The following P3H1 variants were observed in gnomAD, a reference collection of about 807,000 sequenced individuals.
P3H1 encodes prolyl 3-hydroxylase 1, also known as growth suppressor 1.
P3H1 carries 69 observed loss-of-function variants against 84.0 expected under a neutral mutation model. The ratio of observed to expected loss-of-function variants is 0.82; its 90% CI spans 0.68 to 1.00. P3H1 has a LOEUF of 1.00. Ranked by LOEUF, P3H1 falls within the 50% of genes least tolerant of loss-of-function variation. The pLI is 0.00. For missense variants in P3H1, 878 were observed against 962.8 expected (o/e 0.91, Z 1.17); for synonymous variants, 366 against 388.8 (o/e 0.94, Z 0.69).
chr1:42,758,485 G>A (rs1652523431), intron 4 of P3H1, among the ~76,000 whole-genome samples: 1 of 152,194 alleles, frequency 6.6e-6, no homozygotes, highest in Non-Finnish European at 1.5e-5. Flanking sequence ...TTAATTGGCA[G>A]CCCCACAAAA....
Position 42,759,234 on chromosome 1 carries a change from C to G in P3H1, c.775G>C (p.Glu259Gln). 1 of 1,614,174 alleles carries G rather than the reference C, an allele frequency of 6.2e-7. No individual in the cohort carries two copies. ...GCCTGGAAGAGGTCAGCGTTGTACT[C>G]AAGGTAGTTGTAGCCATCGTAGTCA... Reference protein sequence around the residue: ...PYDYDGYNYLEYNADLFQAIT... With the variant: ...PYDYDGYNYLQYNADLFQAIT... The change falls in exon 3 of 15, where the codon GAG becomes CAG. Residue 259 changes from glutamate (E) to glutamine (Q), a missense_variant. Transcript: ENST00000296388.
intron 11 of P3H1, among the ~76,000 whole-genome samples, chr1:42,749,709 G>A (rs559598666): frequency 2.0e-5 from 3 of 152,244 alleles, no homozygotes; most frequent in South Asian, 2.1e-4. Flanking sequence ...CTCCGTAATC[G>A]TATTCATCCT....
intron 7 of P3H1, 85 bp downstream of exon 7, chr1:42,755,080 C>T (rs1267306716): frequency 1.2e-6 from 2 of 1,613,316 alleles, no homozygotes; most frequent in Non-Finnish European, 1.7e-6. Flanking sequence ...CACCCCTTGC[C>T]AGGAGTTCAC....
chr1:42,761,358 CACAG>C (rs1159696394), intron 2 of P3H1: 2 of 152,164 alleles, frequency 1.3e-5, no homozygotes, highest in Non-Finnish European at 2.9e-5. Flanking sequence ...GCTATATCAT[CACAG>C]ACAGTCCCTC....
intron 5 of P3H1, 148 bp from the exon 6 acceptor site, chr1:42,755,785 T>G: frequency 4.3e-6 from 3 of 693,622 alleles, no homozygotes; most frequent in Non-Finnish European, 7.8e-6. Flanking sequence ...TTCCCCAGTT[T>G]GAGACAAAAG....
chr1:42,757,704 C>T (rs1652476628), intron 5 of P3H1, 79 bp downstream of exon 5: 10 of 1,607,438 alleles, frequency 6.2e-6, no homozygotes, highest in Non-Finnish European at 8.5e-6. Flanking sequence ...ACAGCGCCTA[C>T]TCCCCTCTGC....
Position 42,762,372 on chromosome 1 carries a change from G to A in P3H1, c.569C>T (p.Ser190Phe). 1.2e-6 allele frequency: 2 copies of A among 1,614,138 alleles called. No individual in the cohort carries two copies. The highest frequency in any genetic ancestry group is 1.7e-6 in the Non-Finnish European group (2 of 1,179,990). The part of the protein sequence containing the change: ...QQNLDYYQTM[S>F]GVKEADFKDL... ...CTTGAAGTCGGCCTCCTTCACTCCA[G>A]ACATGGTTTGGTAATAGTCTAGGTT... is the stretch of plus-strand genomic sequence containing the variant. The change falls in exon 2 of 15, where the codon TCT becomes TTT. Residue 190 changes from serine (S) to phenylalanine (F), a missense_variant. Coordinates refer to ENST00000296388, the MANE Select transcript of P3H1 (RefSeq NM_022356.4).
In P3H1 at chr1:42,747,382, C is replaced by T. The variant is rs775492271; in HGVS notation, c.1945G>A (p.Val649Met). 56 of 1,610,946 alleles carry T rather than the reference C, an allele frequency of 3.5e-5. No homozygotes were observed. The highest frequency in any genetic ancestry group is 1.6e-4 in the East Asian group (7 of 44,830). ...TTTTCAGTGCCTGAAGAGAATCCCA[C>T]GGCTCTTCCACACTGAGGCTGCACC... ...AEVQPQCGRAVGFSSGTENPH... is the reference protein window; with the variant it reads ...AEVQPQCGRAMGFSSGTENPH... The change falls in exon 14 of 15, where the codon GTG (valine) becomes ATG (methionine). Residue 649 changes from valine (V) to methionine (M), a missense_variant. Transcript: ENST00000296388.
At chr1:42,755,696 G>T in intron 5 of P3H1, 59 bp from the exon 6 acceptor site, 3 of 1,358,762 alleles carry the variant, frequency 2.2e-6, no homozygotes, top group Non-Finnish European at 3.2e-6. Flanking sequence ...TAACCTCTGG[G>T]AGTTCCCCTC....
chr1:42,752,430 G>A, intron 9 of P3H1, 61 bp from the exon 10 acceptor site: 2 of 1,607,570 alleles, frequency 1.2e-6, no homozygotes, highest in Non-Finnish European at 1.7e-6. Flanking sequence ...GAGAAGAGGT[G>A]GTCAACTGTG....
chr1:42,759,016 A>C (rs769707082), intron 3 of P3H1, 33 bp from the exon 4 acceptor site: 1 of 1,613,748 alleles, frequency 6.2e-7, no homozygotes, highest in Non-Finnish European at 8.5e-7. Context: ...AATAACTATG[A>C]GGTCACTCTT....
In P3H1 at chr1:42,758,985, T is replaced by C. The variant is rs780126990; in HGVS notation, c.809-2A>G. On this transcript the variant is annotated splice_acceptor_variant, in intron 3 of 14. Transcript: ENST00000296388. LOFTEE classifies it high-confidence loss of function. The stretch of plus-strand genomic sequence containing the variant: ...AGTTGAGGACCTGGATGTAATGATC[T>C]GAAAGGAATCAAACAGAAGGAATAA... 3 of 1,614,164 alleles carry C rather than the reference T, an allele frequency of 1.9e-6. No individual in the cohort carries two copies. The highest frequency in any genetic ancestry group is 2.5e-6 in the Non-Finnish European group (3 of 1,180,014).
Position 42,747,427 on chromosome 1 carries a change from A to G in P3H1, c.1915-15T>C. The G allele has an allele frequency of 6.2e-7, 1 of 1,606,710 alleles. No individual in the cohort carries two copies. The highest frequency in any genetic ancestry group is 1.3e-5 in the African/African-American group (1 of 74,880). ...TGCACCTCTGCCTAAGGGGGACAGA[A>G]AGGGAGGGGGGTTGCACAGGACAAA... is the stretch of plus-strand genomic sequence containing the variant. On this transcript the variant is annotated splice_polypyrimidine_tract_variant and intron_variant, in intron 13 of 14. Coordinates refer to ENST00000296388, the MANE Select transcript of P3H1 (RefSeq NM_022356.4).
In P3H1 at chr1:42,757,703, A is replaced by G. The variant is rs189529595; in HGVS notation, c.1080+80T>C. 1.4e-4 allele frequency: 222 copies of G among 1,605,328 alleles called. 2 individuals are homozygous for G. In the African/African-American group the frequency reaches 2.8e-3, roughly 20 times the overall value. On this transcript the variant is annotated intron_variant, in intron 5 of 14. Coordinates refer to ENST00000296388, the MANE Select transcript of P3H1 (RefSeq NM_022356.4). Reference sequence around the variant, plus strand: ...CCCCTGCCCTGCACGCACAGCGCCTACTCCCCTCTGCTACCCCACTCTTCC... The same window carrying G: ...CCCCTGCCCTGCACGCACAGCGCCTGCTCCCCTCTGCTACCCCACTCTTCC...
At chr1:42,763,224 A>T (rs865785521) in intron 1 of P3H1, among the ~76,000 whole-genome samples, 24 of 151,756 alleles carry the variant, frequency 1.6e-4, no homozygotes, top group African/African-American at 3.4e-4. Flanking sequence ...CTAGAAAAAA[A>T]TTTTTTTTTG....
chr1:42,765,960 C>T (rs1652963787), intron 1 of P3H1, among the ~76,000 whole-genome samples: 1 of 151,084 alleles, frequency 6.6e-6, no homozygotes. Context: ...TCTGGCATTC[C>T]GAAAAATACT....
At chr1:42,766,459 C>A in intron 1 of P3H1, 48 bp downstream of exon 1, 1 of 1,504,518 alleles carries the variant, frequency 6.6e-7, no homozygotes, top group South Asian at 1.2e-5. Context: ...CTGCAACACT[C>A]CTCTCCCCAG....
intron 8 of P3H1, among the ~76,000 whole-genome samples, chr1:42,753,566 A>G (rs1371349819): frequency 1.3e-5 from 2 of 152,198 alleles, no homozygotes; most frequent in African/African-American, 4.8e-5. Context: ...AGCATAAGAC[A>G]GACCATAAAT....
intron 12 of P3H1, 84 bp from the exon 13 acceptor site, chr1:42,747,882 C>T (rs2124080512): frequency 1.5e-6 from 2 of 1,324,882 alleles, no homozygotes; most frequent in East Asian, 4.6e-5. Flanking sequence ...TCTCAACCAG[C>T]AGCAGGAGGG....
Sources: allele counts gnomAD v4.1 joint callset (sites outside exome capture counted in the v4.1 genomes callset), GRCh38; gene constraint gnomAD v4.1.1; transcripts MANE v1.5; gene names NCBI Gene and HGNC (gene_info 2026-07-23, HGNC 2026-07-21).